GPATCH2: variants seen among roughly 807,000 people sequenced by gnomAD.
The protein encoded by GPATCH2 is G-patch domain containing 2.
In GPATCH2, 51 loss-of-function variants were observed where a neutral mutation model predicts 58.0. The observed-to-expected ratio is 0.88, with a 90% CI of 0.70 to 1.11. GPATCH2 has a LOEUF of 1.11. GPATCH2 is among the 50% of genes most tolerant of loss of function. The pLI is 0.00. For synonymous variants in GPATCH2, 222 were observed against 218.5 expected (o/e 1.02, Z -0.14); for missense variants, 625 against 652.2 (o/e 0.96, Z 0.45).
At chr1:217,498,453 C>A in intron 6 of GPATCH2, 58 bp from the exon 7 acceptor site, 1 of 1,272,628 alleles carries the variant, frequency 7.9e-7, no homozygotes, top group Non-Finnish European at 1.2e-6. Flanking sequence ...CGTGCTCTCA[C>A]ATGATCGAGC....
At chr1:217,567,951 C>A (rs1666333967) in intron 5 of GPATCH2, among the ~76,000 whole-genome samples, 2 of 152,056 alleles carry the variant, frequency 1.3e-5, no homozygotes, top group South Asian at 4.1e-4. Context: ...CCCGTCTCCA[C>A]TAAAAATACA....
chr1:217,586,173 T>C (rs769478352), intron 5 of GPATCH2, among the ~76,000 whole-genome samples: 2 of 152,152 alleles, frequency 1.3e-5, no homozygotes, highest in African/African-American at 2.4e-5. Context: ...ACTAAATTTA[T>C]TTTAAAATAT....
intron 7 of GPATCH2, among the ~76,000 whole-genome samples, chr1:217,493,269 G>T (rs970270424): frequency 6.6e-6 from 1 of 151,962 alleles, no homozygotes; most frequent in African/African-American, 2.4e-5. Context: ...TCAAAATCTT[G>T]TACAAGGCTT....
At chr1:217,514,982 C>G (rs1663051625) in intron 5 of GPATCH2, 93 bp from the exon 6 acceptor site, 1 of 687,424 alleles carries the variant, frequency 1.5e-6, no homozygotes, top group African/African-American at 1.8e-5. Flanking sequence ...AGACATCACT[C>G]TAAAATGGAG....
chr1:217,541,049 C>A (rs1664714497), intron 5 of GPATCH2, among the ~76,000 whole-genome samples: 1 of 152,160 alleles, frequency 6.6e-6, no homozygotes, highest in African/African-American at 2.4e-5. Context: ...GGCCAAACAG[C>A]CAGGAATTTT....
chr1:217,449,275 G>C lies in GPATCH2; in HGVS notation c.1340C>G (p.Ala447Gly). The change falls in exon 9 of 10, where the codon GCA (alanine) becomes GGA (glycine). Residue 447 changes from alanine to glycine, a missense_variant. Ala to Gly is a moderately conservative substitution (Grantham distance 60). Transcript: ENST00000366935. ...TGDIKRRRKAAPLPGPTTAGF... is the reference protein window; with the variant it reads ...TGDIKRRRKAGPLPGPTTAGF... ...TGCAGTAGTAGGTCCAGGCAAAGGT[G>C]CAGCTTTTCTTCTCCGTTTGATATC... is the stretch of plus-strand genomic sequence containing the variant. 6.2e-7 allele frequency: 1 copy of C among 1,605,732 alleles called. No homozygotes were observed. Among genetic ancestry groups the C allele is most frequent in the Non-Finnish European group, 8.5e-7 (1 of 1,172,382 alleles).
intron 8 of GPATCH2, among the ~76,000 whole-genome samples, chr1:217,450,514 C>T (rs1002268450): frequency 2.6e-5 from 4 of 151,990 alleles, no homozygotes; most frequent in African/African-American, 9.7e-5. Flanking sequence ...AATTAATGAT[C>T]TGAGTAATCT....
At position 217,453,393 on chromosome 1, in the gene GPATCH2, G is replaced by C. The variant is rs1571725851; in HGVS notation, c.1278-4056C>G. ...AGACAAATCAAAACCAACCTATTCT[G>C]AAGTGGAAAGGATAAAGAAATGGTG... On this transcript the variant is annotated intron_variant, in intron 8 of 9. Transcript: ENST00000366935. 3.3e-5 allele frequency among the ~76,000 whole-genome samples: 5 copies of C among 152,256 alleles called. No homozygotes were observed. In the South Asian group the frequency reaches 1.0e-3, roughly 32 times the overall value.
rs141926658 is a variant in GPATCH2 at position 217,561,833 on chromosome 1, A to G, written c.1099-46944T>C. ...TCTCCTCTGCAGGGTATGATTAGGT[A>G]CCTGCCTTGCTTCTGAACGGACCCA... On this transcript the variant is annotated intron_variant, in intron 5 of 9. Coordinates refer to ENST00000366935, the MANE Select transcript of GPATCH2 (RefSeq NM_018040.5). Among the ~76,000 whole-genome samples, 19 of 152,288 alleles carry G rather than the reference A, an allele frequency of 1.2e-4. No homozygotes were observed. The East Asian group carries it at 3.7e-3, about 29-fold the overall frequency.
chr1:217,623,521 A>C (rs780464025), intron 1 of GPATCH2, among the ~76,000 whole-genome samples: 23 of 152,188 alleles, frequency 1.5e-4, no homozygotes, highest in Non-Finnish European at 3.1e-4. Context: ...TAATATTAGC[A>C]GTTATATATG....
chr1:217,491,751 C>G lies in GPATCH2; in HGVS notation c.1207-1G>C. ...CTCGATTATCTCTCAGAAGCTGATG[C>G]TACACAAAGTGTTAAGACAAAGTCA... On this transcript the variant is annotated splice_acceptor_variant, in intron 7 of 9. Coordinates refer to ENST00000366935, the MANE Select transcript of GPATCH2 (RefSeq NM_018040.5). LOFTEE classifies it high-confidence loss of function. 7.5e-7 allele frequency: 1 copy of G among 1,333,330 alleles called. No homozygotes were observed. Among genetic ancestry groups the G allele is most frequent in the Non-Finnish European group, 1.1e-6 (1 of 944,154 alleles). The allele number at this position is 1,333,330 out of a possible 1,614,324, so 82.6% of individuals were successfully genotyped here.
chr1:217,583,328 T>G (rs1161373006), intron 5 of GPATCH2, among the ~76,000 whole-genome samples: 8 of 151,872 alleles, frequency 5.3e-5, no homozygotes, highest in Admixed American at 5.2e-4. Flanking sequence ...TCCCAGCACT[T>G]TGGGAGGCTG....
At chr1:217,500,713 G>A (rs1662254538) in intron 6 of GPATCH2, among the ~76,000 whole-genome samples, 1 of 151,950 alleles carries the variant, frequency 6.6e-6, no homozygotes, top group Admixed American at 6.6e-5. Context: ...TTGCAATCTA[G>A]AGATCTGGGT....
At chr1:217,501,608 T>C (rs1204433843) in intron 6 of GPATCH2, among the ~76,000 whole-genome samples, 1 of 152,150 alleles carries the variant, frequency 6.6e-6, no homozygotes, top group Non-Finnish European at 1.5e-5. Context: ...CATTCGATGC[T>C]GTCACTATGT....
chr1:217,610,367 A>T lies in GPATCH2; in HGVS notation c.1052T>A (p.Met351Lys). The T allele has an allele frequency of 6.2e-7, 1 of 1,606,774 alleles. No individual in the cohort carries two copies. The highest frequency in any genetic ancestry group is 8.5e-7 in the Non-Finnish European group (1 of 1,173,934). The change falls in exon 5 of 10, where the codon ATG (methionine) becomes AAG (lysine). Residue 351 changes from methionine (M) to lysine (K), a missense_variant. Physicochemically the swap from Met to Lys is moderately conservative, Grantham distance 95 (BLOSUM62 -1). Transcript: ENST00000366935. ...AGATTTTTTAATATTCTTTGAAGACATTCCATGAAGGCGACTGAGTCTAGC... is the reference window on the plus strand; with the variant it reads ...AGATTTTTTAATATTCTTTGAAGACTTTCCATGAAGGCGACTGAGTCTAGC... ...FQARLSRLHG[M>K]SSKNIKKSGG...
chr1:217,493,505 C>T (rs1444276277), intron 7 of GPATCH2, among the ~76,000 whole-genome samples: 1 of 151,808 alleles, frequency 6.6e-6, no homozygotes, highest in Non-Finnish European at 1.5e-5. Context: ...TTTTAGTGCT[C>T]AGCAAATATT....
At chr1:217,559,873 GGAGAGAGA>G (rs59474147) in intron 5 of GPATCH2, among the ~76,000 whole-genome samples, 140 of 143,130 alleles carry the variant, frequency 9.8e-4, no homozygotes, top group African/African-American at 3.3e-3. Flanking sequence ...AAATCCAGAG[GGAGAGAGA>G]GAGAGAGAGA....
intron 5 of GPATCH2, among the ~76,000 whole-genome samples, chr1:217,522,523 T>C (rs570642198): frequency 1.3e-5 from 2 of 152,306 alleles, no homozygotes; most frequent in African/African-American, 2.4e-5. Context: ...TTTATGAACC[T>C]TGCAATATTA....
chr1:217,523,611 C>A (rs1234230742), intron 5 of GPATCH2, among the ~76,000 whole-genome samples: 6 of 151,830 alleles, frequency 4.0e-5, no homozygotes, highest in Non-Finnish European at 8.8e-5. Flanking sequence ...ATTTCTCAAT[C>A]TTTTCCCCAC....
Sources: allele counts gnomAD v4.1 joint callset (sites outside exome capture counted in the v4.1 genomes callset), GRCh38; gene constraint gnomAD v4.1.1; transcripts MANE v1.5; gene names NCBI Gene and HGNC (gene_info 2026-07-23, HGNC 2026-07-21).